CD8B2: variants seen among roughly 807,000 people sequenced by gnomAD.
CD8B2 encodes the protein CD8B family member 2.
Under a neutral mutation model 23.7 loss-of-function variants are expected in CD8B2, and 11 were observed. The ratio of observed to expected loss-of-function variants is 0.46; its 90% confidence interval spans 0.29 to 0.77. The LOEUF (loss-of-function observed/expected upper bound fraction) is 0.77, where lower values mean the gene tolerates loss of function less well. Ranked by LOEUF, CD8B2 falls within the 30% of genes least tolerant of loss-of-function variation. The probability of loss-of-function intolerance (pLI) is 0.09; values close to 1 mark genes in which losing one functional copy is unlikely to be tolerated. For synonymous variants in CD8B2, 90 were observed against 109.3 expected (o/e 0.82, Z 1.10); for missense variants, 197 against 270.5 (o/e 0.73, Z 1.91).
At chr2:106,538,241 G>A (rs1680119100) in intron 5 of CD8B2, among the ~76,000 whole-genome samples, 1 of 152,182 alleles carries the variant, frequency 6.6e-6, no homozygotes, top group Non-Finnish European at 1.5e-5. Context: ...ATACGGTATA[G>A]GCAGGGTGGT....
intron 5 of CD8B2, among the ~76,000 whole-genome samples, chr2:106,540,616 G>A (rs1312828878): frequency 1.3e-5 from 2 of 151,838 alleles, no homozygotes; most frequent in Non-Finnish European, 2.9e-5. Flanking sequence ...CCAGGCTAGA[G>A]TGCAGTGACG....
rs1213095094 is a variant in CD8B2, at chr2:106,508,291, G to A, written c.*1351G>A. 6.6e-6 allele frequency: 1 copy of A among 152,142 alleles called. No individual in the cohort carries two copies. The highest frequency in any genetic ancestry group is 6.5e-5 in the Admixed American group (1 of 15,272). 9.4% of individuals were successfully genotyped at this position (152,142 alleles called of 1,614,324 possible). On this transcript the variant is annotated 3_prime_UTR_variant, in exon 6 of 6. Coordinates refer to ENST00000643224, the MANE Select transcript of CD8B2 (RefSeq NM_001349727.2). ...CTCAAGGAAGGACATTGACAAATCA[G>A]GTTATGTTCAGTTACCTGTGACAAC...
rs982553933 is a variant in CD8B2 at position 106,507,357 on chromosome 2, C to T, written c.*417C>T. 5.0e-6 allele frequency: 5 copies of T among 990,178 alleles called. No homozygotes were observed. In the African/African-American group the frequency reaches 8.7e-5, roughly 17 times the overall value. The allele number at this position is 990,178 out of a possible 1,614,324, so 61.3% of individuals were successfully genotyped here. On this transcript the variant is annotated 3_prime_UTR_variant, in exon 6 of 6. Coordinates refer to ENST00000643224, the MANE Select transcript of CD8B2 (RefSeq NM_001349727.2). ...CATGGGGTGATGCTGGGCTGGCTCC[C>T]TCTTGGTCTTCCCAGGCTGGGGCTG...
At chr2:106,500,558 A>AAATAAATAAATG in intron 3 of CD8B2, among the ~76,000 whole-genome samples, 1 of 151,184 alleles carries the variant, frequency 6.6e-6, no homozygotes, top group Non-Finnish European at 1.5e-5. Context: ...ATAAATAAAT[A>AAATAAATAAATG]AATAATTAAA....
intron 5 of CD8B2, among the ~76,000 whole-genome samples, chr2:106,505,292 C>A (rs1326351538): frequency 6.6e-6 from 1 of 152,166 alleles, no homozygotes; most frequent in African/African-American, 2.4e-5. Context: ...AAGTACACAA[C>A]TCTAAATTGA....
chr2:106,514,525 G>A (rs7571139), downstream of CD8B2, among the ~76,000 whole-genome samples: 41,447 of 151,324 alleles, frequency 0.27, 5,961 homozygotes, highest in African/African-American at 0.32. Flanking sequence ...CTGACCTCAT[G>A]GTCCTCCTGC....
intron 4 of CD8B2, among the ~76,000 whole-genome samples, chr2:106,503,271 A>G (rs1679448007): frequency 6.6e-6 from 1 of 152,166 alleles, no homozygotes; most frequent in African/African-American, 2.4e-5. Context: ...GCGCATCTAT[A>G]AAGTGGGCAG....
intron 5 of CD8B2, among the ~76,000 whole-genome samples, chr2:106,517,829 C>T (rs1227872998): frequency 2.0e-5 from 3 of 152,042 alleles, no homozygotes; most frequent in Non-Finnish European, 2.9e-5. Context: ...TCTCCTGCCT[C>T]AGCCTCCCAA....
chr2:106,487,430 C>T lies in CD8B2; in HGVS notation c.4C>T (p.Arg2Trp), dbSNP rs1311096934. 7 of 1,244,736 alleles carry T rather than the reference C, an allele frequency of 5.6e-6. No individual in the cohort carries two copies. Among genetic ancestry groups the T allele is most frequent in the African/African-American group, 3.1e-5 (2 of 64,302 alleles). The allele number at this position is 1,244,736 out of a possible 1,614,324, so 77.1% of individuals were successfully genotyped here. The change falls in exon 1 of 6, where the codon CGG (arginine) becomes TGG (tryptophan). Residue 2 changes from arginine (R) to tryptophan (W), a missense_variant. Physicochemically the swap from Arg to Trp is moderately radical, Grantham distance 101. Coordinates refer to ENST00000643224, the MANE Select transcript of CD8B2 (RefSeq NM_001349727.2). ...CAGGTGTCCCGGGCGCGCCCCGATG[C>T]GGCCGCGGCTGTGGCTCCTCCTGGC... The part of the protein sequence containing the change: M[R>W]PRLWLLLAAQ...
At chr2:106,526,528 A>G (rs1422646412) in intron 5 of CD8B2, among the ~76,000 whole-genome samples, 2 of 152,226 alleles carry the variant, frequency 1.3e-5, no homozygotes, top group African/African-American at 4.8e-5. Context: ...TGTGGACTTC[A>G]GTGACTGGCT....
chr2:106,500,797 A>C (rs566679893), intron 3 of CD8B2, among the ~76,000 whole-genome samples: 66 of 152,004 alleles, frequency 4.3e-4, no homozygotes, highest in Admixed American at 4.2e-3. Context: ...TCAGAGGAGG[A>C]TTTGGGACAT....
rs1342953035 is a variant in CD8B2, at chr2:106,502,505, G to T, written c.525G>T (p.Leu175=). The T allele has an allele frequency of 1.9e-6, 3 of 1,583,896 alleles. No homozygotes were observed. Among genetic ancestry groups the T allele is most frequent in the Non-Finnish European group, 1.7e-6 (2 of 1,164,062 alleles). ...TTTGTAGCCCCGTCACCCTTGGCCT[G>T]CTGGTGGCTGGCGTCCTGGTTCTGC... The part of the protein sequence containing the change: ...GPLCSPVTLG[L]LVAGVLVLLV... The change falls in exon 4 of 6, where the codon CTG becomes CTT. Residue 175 remains leucine, a synonymous_variant. Coordinates refer to ENST00000643224, the MANE Select transcript of CD8B2 (RefSeq NM_001349727.2).
chr2:106,530,851 T>C (rs1282226773), intron 5 of CD8B2, among the ~76,000 whole-genome samples: 1 of 152,142 alleles, frequency 6.6e-6, no homozygotes, highest in African/African-American at 2.4e-5. Flanking sequence ...GTCATCCTCA[T>C]TGCCACACTC....
intron 5 of CD8B2, among the ~76,000 whole-genome samples, chr2:106,530,403 T>A (rs1573350170): frequency 6.6e-6 from 1 of 152,168 alleles, no homozygotes; most frequent in Admixed American, 6.5e-5. Context: ...GTTTTGGAGA[T>A]GGAGTCTCGC....
chr2:106,504,231 G>A, intron 4 of CD8B2, 58 bp from the exon 5 acceptor site: 4 of 1,551,810 alleles, frequency 2.6e-6, no homozygotes, highest in Non-Finnish European at 2.6e-6. Flanking sequence ...TGGCCTCTGG[G>A]GCTCAGCACA....
chr2:106,498,465 T>C (rs1679341447), intron 3 of CD8B2, among the ~76,000 whole-genome samples: 1 of 152,110 alleles, frequency 6.6e-6, no homozygotes, highest in South Asian at 2.1e-4. Context: ...TCATTTCTTG[T>C]ACTAACCCTC....
intron 1 of CD8B2, among the ~76,000 whole-genome samples, chr2:106,488,222 G>A (rs993438489): frequency 4.0e-5 from 6 of 151,528 alleles, no homozygotes; most frequent in Admixed American, 3.9e-4. Context: ...CGGGGGTTCT[G>A]GCCCAGTGAG....
At chr2:106,514,825 C>T (rs1679702943), downstream of CD8B2, among the ~76,000 whole-genome samples, 2 of 151,890 alleles carry the variant, frequency 1.3e-5, no homozygotes, top group South Asian at 4.1e-4. Flanking sequence ...GACCTCTACA[C>T]CAAAATCTTT....
At chr2:106,524,024 A>C (rs969483194) in intron 5 of CD8B2, among the ~76,000 whole-genome samples, 8 of 152,182 alleles carry the variant, frequency 5.3e-5, no homozygotes, top group African/African-American at 1.9e-4. Context: ...CTCTTAGACA[A>C]TTGGGCAGGT....
Sources: allele counts gnomAD v4.1 joint callset (sites outside exome capture counted in the v4.1 genomes callset), GRCh38; gene constraint gnomAD v4.1.1; transcripts MANE v1.5; gene names NCBI Gene and HGNC (gene_info 2026-07-23, HGNC 2026-07-21).